CTNNA2: variants seen among roughly 807,000 people sequenced by gnomAD.
The protein encoded by CTNNA2 is catenin alpha 2.
A neutral mutation model predicts 101.0 loss-of-function variants in CTNNA2; 42 were observed. The observed-to-expected ratio is 0.42, with a 90% CI of 0.32 to 0.54. The LOEUF (loss-of-function observed/expected upper bound fraction) is 0.54, where lower values mean the gene tolerates loss of function less well. Among genes scored for constraint, CTNNA2 ranks in the 20% least tolerant of loss-of-function variants. The pLI is 0.14. For missense variants in CTNNA2, 871 were observed against 1,223.1 expected (o/e 0.71, Z 4.29); for synonymous variants, 450 against 456.4 (o/e 0.99, Z 0.18).
chr2:79,666,618 C>A (rs976895188), intron 2 of CTNNA2, among the ~76,000 whole-genome samples: 1 of 152,126 alleles, frequency 6.6e-6, no homozygotes, highest in African/African-American at 2.4e-5. Flanking sequence ...ACGGATGGTG[C>A]TTGATAAGTG....
At chr2:80,279,904 A>C (rs150918355) in intron 7 of CTNNA2, among the ~76,000 whole-genome samples, 4 of 152,090 alleles carry the variant, frequency 2.6e-5, no homozygotes, top group African/African-American at 4.8e-5. Context: ...TATTGGTTAA[A>C]TTTGGAATAG....
intron 2 of CTNNA2, among the ~76,000 whole-genome samples, chr2:79,277,803 A>G (rs1675252247): frequency 6.6e-6 from 1 of 152,052 alleles, no homozygotes; most frequent in Non-Finnish European, 1.5e-5. Context: ...AGCTACAGAC[A>G]TTTAGTTTGG....
intron 7 of CTNNA2, among the ~76,000 whole-genome samples, chr2:80,039,412 T>G (rs2104257834): frequency 6.6e-6 from 1 of 152,314 alleles, no homozygotes; most frequent in South Asian, 2.1e-4. Context: ...CCATTTTCTT[T>G]TTATCAGTCC....
intron 18 of CTNNA2, among the ~76,000 whole-genome samples, chr2:80,641,747 T>A (rs1355581384): frequency 6.6e-6 from 1 of 152,118 alleles, no homozygotes; most frequent in Non-Finnish European, 1.5e-5. Flanking sequence ...AAATACTTGT[T>A]GATGACGTTA....
At chr2:80,329,734 G>A (rs1165219179) in intron 7 of CTNNA2, among the ~76,000 whole-genome samples, 2 of 152,186 alleles carry the variant, frequency 1.3e-5, no homozygotes, top group African/African-American at 4.8e-5. Context: ...ACTTCAAGTT[G>A]TGTGAGGTAA....
At chr2:80,590,729 T>G (rs1696414341) in intron 15 of CTNNA2, among the ~76,000 whole-genome samples, 1 of 152,198 alleles carries the variant, frequency 6.6e-6, no homozygotes, top group Non-Finnish European at 1.5e-5. Context: ...TTCAGTGGAA[T>G]GATTTTACTG....
intron 4 of CTNNA2, among the ~76,000 whole-genome samples, chr2:79,426,010 T>A (rs1208471148): frequency 6.6e-6 from 1 of 152,138 alleles, no homozygotes; most frequent in Non-Finnish European, 1.5e-5. Flanking sequence ...GTAAGTTATG[T>A]ATATAAAAGT....
In CTNNA2 at chr2:80,648,012, A is replaced by AAGATG; in HGVS notation, c.*150_*154dup. The AAGATG allele has an allele frequency of 1.3e-6, 1 of 759,644 alleles. No homozygotes were observed. Among genetic ancestry groups the AAGATG allele is most frequent in the Non-Finnish European group, 2.1e-6 (1 of 484,912 alleles). 47.1% of individuals were successfully genotyped at this position (759,644 alleles called of 1,614,324 possible). On this transcript the variant is annotated 3_prime_UTR_variant, in exon 19 of 19. Coordinates refer to ENST00000402739, the MANE Select transcript of CTNNA2 (RefSeq NM_001282597.3). ...AAGGGAACAGTGTCTGTTTGCATGT[A>AAGATG]AGATGAGATGAGATCAATACTACTG...
intron 7 of CTNNA2, among the ~76,000 whole-genome samples, chr2:80,319,871 G>A (rs932187462): frequency 6.6e-6 from 1 of 152,230 alleles, no homozygotes; most frequent in African/African-American, 2.4e-5. Context: ...CACAGACTGA[G>A]CCTTTCTGTA....
At chr2:80,090,212 CTG>C (rs1265286318) in intron 7 of CTNNA2, among the ~76,000 whole-genome samples, 1 of 138,200 alleles carries the variant, frequency 7.2e-6, no homozygotes, top group African/African-American at 2.7e-5. Flanking sequence ...ATGTGTGTGT[CTG>C]TGTGTGCATG....
chr2:80,555,961 T>C (rs1573250976), intron 12 of CTNNA2, 68 bp downstream of exon 12: 1 of 1,117,578 alleles, frequency 8.9e-7, no homozygotes, highest in East Asian at 2.7e-5. Flanking sequence ...TGAATAAATC[T>C]GTTTCATTGA....
chr2:80,374,682 C>CGTGCGTGTGTGT (rs1553507224), intron 7 of CTNNA2, among the ~76,000 whole-genome samples: 1 of 133,966 alleles, frequency 7.5e-6, no homozygotes, highest in Non-Finnish European at 1.6e-5. Context: ...TGCGTGCGTG[C>CGTGCGTGTGTGT]GTGTGTGTGT....
At chr2:80,427,588 G>T (rs1681106271) in intron 9 of CTNNA2, among the ~76,000 whole-genome samples, 2 of 152,156 alleles carry the variant, frequency 1.3e-5, no homozygotes, top group Admixed American at 1.3e-4. Context: ...TCAATTCTTT[G>T]CTTCATCTTC....
chr2:80,132,617 G>A (rs1405792322), intron 7 of CTNNA2, among the ~76,000 whole-genome samples: 1 of 152,100 alleles, frequency 6.6e-6, no homozygotes, highest in East Asian at 1.9e-4. Flanking sequence ...CAAATACTCA[G>A]CAGTGAACTG....
intron 4 of CTNNA2, among the ~76,000 whole-genome samples, chr2:79,493,151 A>C (rs541611470): frequency 6.6e-6 from 1 of 152,226 alleles, no homozygotes; most frequent in South Asian, 2.1e-4. Flanking sequence ...TTGTTATTTA[A>C]CATCATACTG....
At chr2:80,591,776 A>G (rs929842332) in intron 15 of CTNNA2, among the ~76,000 whole-genome samples, 6 of 152,122 alleles carry the variant, frequency 3.9e-5, no homozygotes, top group Non-Finnish European at 8.8e-5. Flanking sequence ...TCACTAGCTA[A>G]TTCATTAATT....
At chr2:80,146,103 A>T (rs941030485) in intron 7 of CTNNA2, among the ~76,000 whole-genome samples, 5 of 152,174 alleles carry the variant, frequency 3.3e-5, no homozygotes. Flanking sequence ...ACCTCAAGCC[A>T]TGCAGAGGAG....
At chr2:79,431,947 TA>T (rs1193680596) in intron 4 of CTNNA2, among the ~76,000 whole-genome samples, 8 of 152,122 alleles carry the variant, frequency 5.3e-5, no homozygotes, top group Admixed American at 3.3e-4. Context: ...TGAGGAAATA[TA>T]AAAAATATAA....
intron 1 of CTNNA2, among the ~76,000 whole-genome samples, chr2:79,189,027 G>T (rs1033786684): frequency 6.6e-6 from 1 of 152,136 alleles, no homozygotes; most frequent in Non-Finnish European, 1.5e-5. Context: ...GACACATTGC[G>T]TATGTTTAAC....
Sources: allele counts gnomAD v4.1 joint callset (sites outside exome capture counted in the v4.1 genomes callset), GRCh38; gene constraint gnomAD v4.1.1; transcripts MANE v1.5; gene names NCBI Gene and HGNC (gene_info 2026-07-23, HGNC 2026-07-21).